EDAR: variants seen among roughly 807,000 people sequenced by gnomAD.
The protein encoded by EDAR is tumor necrosis factor receptor superfamily member EDAR.
Under a neutral mutation model 51.3 loss-of-function variants are expected in EDAR, and 38 were observed. That is an observed-to-expected ratio of 0.74 (90% CI 0.57 to 0.97). The LOEUF (loss-of-function observed/expected upper bound fraction) is 0.97, where lower values mean the gene tolerates loss of function less well. Ranked by LOEUF, EDAR falls within the 50% of genes least tolerant of loss-of-function variation. The pLI, the probability that EDAR is intolerant of heterozygous loss-of-function variation, is 0.00. For synonymous variants in EDAR, 227 were observed against 242.1 expected (o/e 0.94, Z 0.58); for missense variants, 528 against 595.0 (o/e 0.89, Z 1.17).
chr2:108,984,918 T>C (rs76153825), intron 1 of EDAR, among the ~76,000 whole-genome samples: 1 of 152,218 alleles, frequency 6.6e-6, no homozygotes, highest in South Asian at 2.1e-4. Context: ...CTCCTGTGCA[T>C]GCAGGATTCT....
intron 1 of EDAR, among the ~76,000 whole-genome samples, chr2:108,941,158 A>G (rs1431955317): frequency 6.6e-6 from 1 of 152,234 alleles, no homozygotes; most frequent in African/African-American, 2.4e-5. Context: ...CGTTGTGGGA[A>G]TTAGGACTTT....
chr2:108,929,223 C>T lies in EDAR; in HGVS notation c.331G>A (p.Ala111Thr), dbSNP rs777768315. The part of the protein sequence containing the change: ...VLTPGDMEND[A>T]ECGPCLPGYY... ...CCAGGGAGGCAAGGGCCACACTCAG[C>T]GTCATTCTCCATGTCCCCTGGTGTC... Residue 111 changes from alanine to threonine, a missense_variant, in exon 4 of 12, where the codon GCT becomes ACT. Transcript: ENST00000258443. 2.5e-6 allele frequency: 4 copies of T among 1,614,094 alleles called. No individual in the cohort carries two copies. Among genetic ancestry groups the T allele is most frequent in the East Asian group, 2.2e-5 (1 of 44,886 alleles).
intron 1 of EDAR, among the ~76,000 whole-genome samples, chr2:108,935,115 C>T (rs1034736116): frequency 6.6e-6 from 1 of 152,166 alleles, no homozygotes; most frequent in African/African-American, 2.4e-5. Flanking sequence ...TCAAATCTGG[C>T]GCTTTACGGA....
At chr2:108,969,761 C>T (rs1698205651) in intron 1 of EDAR, among the ~76,000 whole-genome samples, 1 of 152,158 alleles carries the variant, frequency 6.6e-6, no homozygotes, top group South Asian at 2.1e-4. Context: ...GGGGCTTCAG[C>T]AGCTAGCTGG....
intron 1 of EDAR, among the ~76,000 whole-genome samples, chr2:108,934,043 C>G (rs941777879): frequency 6.6e-6 from 1 of 152,152 alleles, no homozygotes; most frequent in Non-Finnish European, 1.5e-5. Context: ...CGGAGGGCTT[C>G]CCTGAATAAC....
At chr2:108,950,912 G>A (rs1400980811) in intron 1 of EDAR, among the ~76,000 whole-genome samples, 1 of 152,246 alleles carries the variant, frequency 6.6e-6, no homozygotes, top group Non-Finnish European at 1.5e-5. Flanking sequence ...AGGAAGGGGT[G>A]TGACCTTGCA....
intron 1 of EDAR, among the ~76,000 whole-genome samples, chr2:108,952,013 A>C (rs1697836484): frequency 6.6e-6 from 1 of 152,276 alleles, no homozygotes; most frequent in Non-Finnish European, 1.5e-5. Context: ...ATTTTCACAA[A>C]GAAGCAAAAG....
chr2:108,930,372 A>C (rs561767633), intron 2 of EDAR, 130 bp from the exon 3 acceptor site: 303 of 969,910 alleles, frequency 3.1e-4, no homozygotes, highest in Admixed American at 1.2e-3. Context: ...TCGGTCTGGG[A>C]AGGTGCCCGC....
Position 108,910,445 on chromosome 2 carries a change from G to A in EDAR, c.803+15C>T, listed in dbSNP as rs1696897881. On this transcript the variant is annotated intron_variant, in intron 9 of 11. Transcript: ENST00000258443. Reference sequence around the variant, plus strand: ...GGACCCCAGCTTCAGCTTGGTGCTGGGGGCTTCCACATACCTCTTGGTGGG... The same window carrying A: ...GGACCCCAGCTTCAGCTTGGTGCTGAGGGCTTCCACATACCTCTTGGTGGG... 6.2e-7 allele frequency: 1 copy of A among 1,609,972 alleles called. No individual in the cohort carries two copies. Among genetic ancestry groups the A allele is most frequent in the East Asian group, 2.2e-5 (1 of 44,836 alleles).
rs1696599736 is a variant in EDAR, at chr2:108,896,690, A to G, written c.*217T>C. 1.7e-6 allele frequency: 1 copy of G among 584,188 alleles called. No homozygotes were observed. Among genetic ancestry groups the G allele is most frequent in the Non-Finnish European group, 3.0e-6 (1 of 328,606 alleles). 36.2% of individuals were successfully genotyped at this position (584,188 alleles called of 1,614,324 possible). The stretch of plus-strand genomic sequence containing the variant: ...AGATATTTACTCTGCCTGGTGAGGT[A>G]CAGGCGAGCATCTGAAAGTATCCCG... On this transcript the variant is annotated 3_prime_UTR_variant, in exon 12 of 12. Transcript: ENST00000258443.
chr2:108,917,245 A>T (rs1312499076), intron 5 of EDAR, among the ~76,000 whole-genome samples: 1 of 152,276 alleles, frequency 6.6e-6, no homozygotes, highest in African/African-American at 2.4e-5. Flanking sequence ...AAAGGAGTGG[A>T]TCTCATAGAA....
At chr2:108,973,189 T>A (rs953264074) in intron 1 of EDAR, among the ~76,000 whole-genome samples, 1 of 152,238 alleles carries the variant, frequency 6.6e-6, no homozygotes, top group Admixed American at 6.5e-5. Context: ...GGTTTCACCA[T>A]GTTGGCCAGG....
intron 1 of EDAR, among the ~76,000 whole-genome samples, chr2:108,943,141 C>T (rs1558823551): frequency 6.6e-6 from 1 of 152,176 alleles, no homozygotes; most frequent in Non-Finnish European, 1.5e-5. Context: ...TCCTGTCAAA[C>T]TCAGGGTCTT....
intron 1 of EDAR, among the ~76,000 whole-genome samples, chr2:108,964,147 G>C (rs1698106143): frequency 6.6e-6 from 1 of 152,202 alleles, no homozygotes; most frequent in African/African-American, 2.4e-5. Flanking sequence ...CAGCACAGAA[G>C]ATAGTCTTTC....
At chr2:108,968,135 G>C (rs1479132529) in intron 1 of EDAR, among the ~76,000 whole-genome samples, 2 of 152,112 alleles carry the variant, frequency 1.3e-5, no homozygotes, top group Non-Finnish European at 2.9e-5. Context: ...CCACCACCTG[G>C]GGAAGGCGCC....
At position 108,906,332 on chromosome 2, in the gene EDAR, C is replaced by T. The variant is rs752662417; in HGVS notation, c.1000G>A (p.Ala334Thr). The stretch of plus-strand genomic sequence containing the variant: ...CCTTCCACGACTCCACACACGTTGG[C>T]ATACACATCGAGGATCTTTTTCCTC... Reference protein sequence around the residue: ...SRRKKILDVYANVCGVVEGLS... With the variant: ...SRRKKILDVYTNVCGVVEGLS... The change falls in exon 11 of 12, where the codon GCC becomes ACC. Residue 334 changes from alanine to threonine, a missense_variant. Physicochemically the swap from Ala to Thr is moderately conservative, Grantham distance 58 (BLOSUM62 0). Transcript: ENST00000258443. 8.5e-5 allele frequency: 137 copies of T among 1,614,058 alleles called. No homozygotes were observed. The Admixed American group carries it at 1.1e-3, about 13-fold the overall frequency.
chr2:108,964,947 T>C (rs1698120389), intron 1 of EDAR, among the ~76,000 whole-genome samples: 1 of 152,174 alleles, frequency 6.6e-6, no homozygotes, highest in East Asian at 1.9e-4. Context: ...CCTATAAAGT[T>C]CAGCTTAACA....
chr2:108,985,406 G>A (rs574736869), intron 1 of EDAR, among the ~76,000 whole-genome samples: 3 of 152,354 alleles, frequency 2.0e-5, no homozygotes, highest in East Asian at 3.9e-4. Flanking sequence ...AGTTAAGCTG[G>A]CATGAGCTCG....
chr2:108,915,811 C>T (rs1413541003), intron 5 of EDAR, among the ~76,000 whole-genome samples: 2 of 152,046 alleles, frequency 1.3e-5, no homozygotes, highest in African/African-American at 2.4e-5. Flanking sequence ...GCAAGAGAAT[C>T]GCTGGAACCC....
Sources: gnomAD v4.1 joint callset for allele counts (sites outside exome capture counted in the v4.1 genomes callset) on GRCh38, gnomAD v4.1.1 for gene constraint, MANE v1.5 for transcripts, NCBI Gene and HGNC (gene_info 2026-07-23, HGNC 2026-07-21) for gene names.